KDM1A: variants seen among roughly 807,000 people sequenced by gnomAD.
KDM1A encodes the protein lysine-specific histone demethylase 1A.
Under a neutral mutation model 109.4 loss-of-function variants are expected in KDM1A, and 49 were observed. That is an observed-to-expected ratio of 0.45 (90% CI 0.36 to 0.57). KDM1A has a LOEUF of 0.57. Among genes scored for constraint, KDM1A ranks in the 20% least tolerant of loss-of-function variants. The pLI is 0.00. For missense variants in KDM1A, 668 were observed against 1,116.6 expected, an observed-to-expected ratio of 0.60 and a Z score of 5.73; for synonymous variants, 380 against 415.4, an observed-to-expected ratio of 0.91 and a Z score of 1.04.
chr1:23,025,949 T>C (rs1428179401), intron 1 of KDM1A, among the ~76,000 whole-genome samples: 1 of 151,966 alleles, frequency 6.6e-6, no homozygotes, highest in African/African-American at 2.4e-5. Flanking sequence ...AAATTAGCCA[T>C]GTGTGGTGGC....
intron 14 of KDM1A, 122 bp from the exon 15 acceptor site, chr1:23,073,170 A>T: frequency 3.4e-6 from 2 of 581,088 alleles, no homozygotes; most frequent in African/African-American, 3.7e-5. Flanking sequence ...TTGATTTGTA[A>T]TTTCTTCATA....
At position 23,033,849 on chromosome 1, in the gene KDM1A, G is replaced by C. The variant is rs183164731; in HGVS notation, c.517+3215G>C. Among the ~76,000 whole-genome samples, 509 of 152,298 alleles carry C rather than the reference G, an allele frequency of 3.3e-3. 1 individual carries two copies. The highest frequency in any genetic ancestry group is 5.6e-3 in the Admixed American group (86 of 15,292). On this transcript the variant is annotated intron_variant, in intron 2 of 20. Coordinates refer to ENST00000400181, the MANE Select transcript of KDM1A (RefSeq NM_001009999.3). ...GTAGCCCTGAGGTTTTTTGAGCAAGGGGGGTTACACTGAAATATGTTTTTG... is the reference window on the plus strand; with the variant it reads ...GTAGCCCTGAGGTTTTTTGAGCAAGCGGGGTTACACTGAAATATGTTTTTG...
rs370820052 is a variant in KDM1A, at chr1:23,044,450, G to A, written c.541G>A (p.Asp181Asn). 4.3e-5 allele frequency: 69 copies of A among 1,612,986 alleles called. No homozygotes were observed. The highest frequency in any genetic ancestry group is 5.7e-5 in the Non-Finnish European group (67 of 1,179,756). Reference protein sequence around the residue: ...PSGQAGGLQDDSSGGYGDGQA... With the variant: ...PSGQAGGLQDNSSGGYGDGQA... ...AGGGCAAGCAGGAGGACTTCAAGAC[G>A]ACAGTTCTGGAGGGTATGGAGACGG... The change falls in exon 3 of 21, where the codon GAC becomes AAC. Residue 181 changes from aspartate to asparagine, a missense_variant. Transcript: ENST00000400181.
At chr1:23,068,879 C>T (rs1051117751) in intron 11 of KDM1A, among the ~76,000 whole-genome samples, 182 bp from the exon 12 acceptor site, 1 of 152,076 alleles carries the variant, frequency 6.6e-6, no homozygotes, top group Non-Finnish European at 1.5e-5. Context: ...AAATTCAGTG[C>T]TTTTATGGTA....
intron 1 of KDM1A, 173 bp downstream of exon 1, chr1:23,020,120 A>G (rs1162252392): frequency 1.2e-5 from 8 of 692,702 alleles, no homozygotes; most frequent in East Asian, 3.4e-5. Context: ...GAGAAAGGAA[A>G]AGTCTTTGCC....
chr1:23,055,734 G>A lies in KDM1A; in HGVS notation c.884-198G>A, dbSNP rs562809409. ...TAGTGGATTTGATTTATAAATGTTCGACACTGAATTTGAATTCATAAGTTT... is the reference window on the plus strand; with the variant it reads ...TAGTGGATTTGATTTATAAATGTTCAACACTGAATTTGAATTCATAAGTTT... On this transcript the variant is annotated intron_variant, in intron 6 of 20. Transcript: ENST00000400181. Among the ~76,000 whole-genome samples the A allele has an allele frequency of 1.1e-3, 163 of 152,200 alleles. 1 individual carries two copies. Among genetic ancestry groups the A allele is most frequent in the South Asian group, 1.0e-2 (48 of 4,824 alleles).
In KDM1A at chr1:23,065,933, CAG is replaced by C. The variant is rs1368538866; in HGVS notation, c.1168-125_1168-124del. ...CTGGTGGTTGCAGCTTCTGAGCTAACAGAATGCTTCTGTCATGCTATGTGTTT... is the reference window on the plus strand; with the variant it reads ...CTGGTGGTTGCAGCTTCTGAGCTAACAATGCTTCTGTCATGCTATGTGTTT... On this transcript the variant is annotated intron_variant, in intron 9 of 20. Transcript: ENST00000400181. 10 of 1,343,910 alleles carry C rather than the reference CAG, an allele frequency of 7.4e-6. No homozygotes were observed. The Admixed American group carries it at 1.2e-4, about 16-fold the overall frequency. The allele number at this position is 1,343,910 out of a possible 1,614,324, so 83.2% of individuals were successfully genotyped here.
chr1:23,027,784 C>G (rs1048496817), intron 1 of KDM1A, among the ~76,000 whole-genome samples: 6 of 149,744 alleles, frequency 4.0e-5, no homozygotes, highest in African/African-American at 1.5e-4. Flanking sequence ...ACAGACATGG[C>G]AGAAGAAACT....
chr1:23,077,683 T>C (rs1227671228), intron 16 of KDM1A, among the ~76,000 whole-genome samples: 1 of 152,228 alleles, frequency 6.6e-6, no homozygotes, highest in Non-Finnish European at 1.5e-5. Flanking sequence ...ATGTCAGTGC[T>C]CAAAAAGTTT....
At chr1:23,075,807 C>T (rs1232643647) in intron 15 of KDM1A, among the ~76,000 whole-genome samples, 2 of 151,618 alleles carry the variant, frequency 1.3e-5, no homozygotes, top group South Asian at 2.1e-4. Context: ...ATTAGCCTGG[C>T]GTGGTGGCGC....
chr1:23,052,888 T>C (rs905388231), intron 4 of KDM1A, among the ~76,000 whole-genome samples: 1 of 152,210 alleles, frequency 6.6e-6, no homozygotes, highest in African/African-American at 2.4e-5. Flanking sequence ...TTGACTTCAG[T>C]TATTACCCAT....
intron 6 of KDM1A, 31 bp from the exon 7 acceptor site, chr1:23,055,897 AAAAC>A: frequency 6.7e-7 from 1 of 1,483,110 alleles, no homozygotes; most frequent in Non-Finnish European, 9.3e-7. Flanking sequence ...TTTTATACCT[AAAAC>A]AAAATCTTTT....
Position 23,043,141 on chromosome 1 carries a change from A to G in KDM1A, c.518-1286A>G, listed in dbSNP as rs139478312. Among the ~76,000 whole-genome samples the G allele has an allele frequency of 2.4e-3, 371 of 152,338 alleles. 5 individuals are homozygous for G. The highest frequency in any genetic ancestry group is 8.2e-3 in the African/African-American group (342 of 41,564). ...TAGTAGAGTTTAAAATGTAGGACCT[A>G]TATTTTCAAGATAAGTTTGCAGATT... On this transcript the variant is annotated intron_variant, in intron 2 of 20. Transcript: ENST00000400181.
At position 23,076,781 on chromosome 1, in the gene KDM1A, G is replaced by A. The variant is rs143829416; in HGVS notation, c.1735-447G>A. 5.3e-5 allele frequency among the ~76,000 whole-genome samples: 8 copies of A among 151,902 alleles called. No homozygotes were observed. The East Asian group carries it at 1.5e-3, about 29-fold the overall frequency. ...GTTTGAGACCAGCCTAGCCAACGTG[G>A]TGAAACCCCGTCTCTACTAAAAATA... On this transcript the variant is annotated intron_variant, in intron 15 of 20. Coordinates refer to ENST00000400181, the MANE Select transcript of KDM1A (RefSeq NM_001009999.3).
At chr1:23,082,151 T>C in intron 19 of KDM1A, 69 bp from the exon 20 acceptor site, 1 of 1,550,928 alleles carries the variant, frequency 6.4e-7, no homozygotes, top group Non-Finnish European at 8.8e-7. Flanking sequence ...ACCACTGCTT[T>C]TCCACCTTTC....
intron 9 of KDM1A, chr1:23,059,477 T>C: frequency 5.2e-6 from 2 of 384,004 alleles, no homozygotes; most frequent in South Asian, 2.1e-5. Flanking sequence ...ACTTATGGAA[T>C]TGAAACCTGA....
intron 9 of KDM1A, chr1:23,059,475 A>C (rs1642937241): frequency 2.6e-6 from 1 of 383,352 alleles, no homozygotes; most frequent in South Asian, 2.1e-5. Flanking sequence ...GGACTTATGG[A>C]ATTGAAACCT....
intron 1 of KDM1A, 103 bp downstream of exon 1, chr1:23,020,050 C>G: frequency 8.2e-7 from 1 of 1,219,146 alleles, no homozygotes; most frequent in Non-Finnish European, 1.1e-6. Flanking sequence ...CCTGCGACCA[C>G]TCAGACCTCC....
intron 7 of KDM1A, 55 bp downstream of exon 7, chr1:23,056,093 A>G (rs1168861710): frequency 8.7e-7 from 1 of 1,152,832 alleles, no homozygotes; most frequent in Non-Finnish European, 1.3e-6. Flanking sequence ...ATGGTAAGCA[A>G]ATTATCTGTT....
Sources: allele counts gnomAD v4.1 joint callset (sites outside exome capture counted in the v4.1 genomes callset), GRCh38; gene constraint gnomAD v4.1.1; transcripts MANE v1.5; gene names NCBI Gene and HGNC (gene_info 2026-07-23, HGNC 2026-07-21).